SGIP1: variants seen among roughly 807,000 people sequenced by gnomAD.
SGIP1 encodes SH3-containing GRB2-like protein 3-interacting protein 1.
Under a neutral mutation model 107.5 loss-of-function variants are expected in SGIP1, and 38 were observed. The ratio of observed to expected loss-of-function variants is 0.35; its 90% CI spans 0.27 to 0.46. SGIP1 has a LOEUF of 0.46. Ranked by LOEUF, SGIP1 falls within the 20% of genes least tolerant of loss-of-function variation. SGIP1 has a pLI of 1.00. For synonymous variants in SGIP1, 365 were observed against 366.1 expected (o/e 1.00, Z 0.03); for missense variants, 929 against 1,019.5 (o/e 0.91, Z 1.21).
At position 66,720,521 on chromosome 1, in the gene SGIP1, G is replaced by C. The variant is rs900130685; in HGVS notation, c.1742+1116G>C. 3.3e-5 allele frequency among the ~76,000 whole-genome samples: 5 copies of C among 152,168 alleles called. No individual in the cohort carries two copies. The East Asian group carries it at 9.6e-4, about 29-fold the overall frequency. ...GACAGGAGGATTGCTGAGGCCAGGA[G>C]ATCGAGACCACCCCTGGCAACATAG... On this transcript the variant is annotated intron_variant, in intron 19 of 24. Transcript: ENST00000371037.
intron 1 of SGIP1, among the ~76,000 whole-genome samples, chr1:66,619,787 T>C (rs189225749): frequency 1.3e-5 from 2 of 152,262 alleles, no homozygotes; most frequent in Admixed American, 1.3e-4. Flanking sequence ...CACCTCAGTG[T>C]CTTCTGTTTG....
At chr1:66,617,972 C>T (rs1002650448) in intron 1 of SGIP1, among the ~76,000 whole-genome samples, 1 of 152,166 alleles carries the variant, frequency 6.6e-6, no homozygotes, top group Non-Finnish European at 1.5e-5. Flanking sequence ...ATGTGATCTG[C>T]TATTTATCAC....
intron 1 of SGIP1, among the ~76,000 whole-genome samples, chr1:66,564,179 C>T (rs1338188): frequency 0.21 from 31,504 of 151,834 alleles, 3,947 homozygotes; most frequent in African/African-American, 0.35. Context: ...AATTTGGAAA[C>T]GACTAAACTA....
intron 7 of SGIP1, among the ~76,000 whole-genome samples, chr1:66,659,352 G>T (rs1002499472): frequency 2.6e-5 from 4 of 152,142 alleles, no homozygotes; most frequent in African/African-American, 9.7e-5. Context: ...ACAGGGAGAA[G>T]AATTCATAAT....
At chr1:66,634,862 T>C (rs1436110885) in intron 3 of SGIP1, among the ~76,000 whole-genome samples, 1 of 152,206 alleles carries the variant, frequency 6.6e-6, no homozygotes, top group Non-Finnish European at 1.5e-5. Context: ...GGTCACTGAA[T>C]TTTGGAAACC....
chr1:66,559,437 C>T (rs891279631), intron 1 of SGIP1, among the ~76,000 whole-genome samples: 20 of 152,052 alleles, frequency 1.3e-4, no homozygotes, highest in Admixed American at 1.1e-3. Context: ...TGCATGAATG[C>T]TATGACTTAG....
At chr1:66,717,550 G>T (rs2093315050) in intron 18 of SGIP1, among the ~76,000 whole-genome samples, 1 of 152,138 alleles carries the variant, frequency 6.6e-6, no homozygotes. Flanking sequence ...CGTGGGCAGA[G>T]AAGACTTAGC....
intron 1 of SGIP1, among the ~76,000 whole-genome samples, chr1:66,603,569 A>G (rs2066266060): frequency 2.0e-5 from 3 of 152,156 alleles, no homozygotes; most frequent in Admixed American, 2.0e-4. Context: ...GATCACACAG[A>G]CCACACACTG....
chr1:66,722,066 T>C (rs1454641125), intron 19 of SGIP1, among the ~76,000 whole-genome samples: 1 of 152,222 alleles, frequency 6.6e-6, no homozygotes, highest in Admixed American at 6.5e-5. Context: ...ACTCCTTTCC[T>C]TATCCCTGAC....
chr1:66,638,295 T>TG (rs2076168822), intron 4 of SGIP1, among the ~76,000 whole-genome samples: 1 of 152,182 alleles, frequency 6.6e-6, no homozygotes, highest in Non-Finnish European at 1.5e-5. Context: ...CATTATGTAA[T>TG]GGACCAGTTC....
intron 1 of SGIP1, among the ~76,000 whole-genome samples, chr1:66,577,689 C>T (rs1314360203): frequency 6.6e-6 from 1 of 151,596 alleles, no homozygotes; most frequent in Non-Finnish European, 1.5e-5. Flanking sequence ...ATAGGAAGTG[C>T]TCAAATGGTT....
chr1:66,642,331 C>T lies in SGIP1; in HGVS notation c.229-479C>T, dbSNP rs140678193. ...CCACCTAGAAGGAGCTCCTACTCTG[C>T]CCTCTCCTGTCTGTCCTGAAAGACC... On this transcript the variant is annotated intron_variant, in intron 5 of 24. Coordinates refer to ENST00000371037, the MANE Select transcript of SGIP1 (RefSeq NM_032291.4). Among the ~76,000 whole-genome samples the T allele has an allele frequency of 3.7e-3, 564 of 152,212 alleles. 4 individuals carry two copies. The highest frequency in any genetic ancestry group is 0.013 in the African/African-American group (522 of 41,544).
intron 12 of SGIP1, 144 bp from the exon 13 acceptor site, chr1:66,676,860 G>A: frequency 1.6e-6 from 1 of 634,496 alleles, no homozygotes; most frequent in East Asian, 2.7e-5. Context: ...AGAATAAGGA[G>A]CAGCACATTC....
At chr1:66,616,942 C>A (rs2149226726) in intron 1 of SGIP1, among the ~76,000 whole-genome samples, 1 of 152,206 alleles carries the variant, frequency 6.6e-6, no homozygotes, top group East Asian at 1.9e-4. Context: ...GACCCTTTTG[C>A]AATCTATTGC....
chr1:66,690,281 C>A lies in SGIP1; in HGVS notation c.1535C>A (p.Thr512Asn), dbSNP rs1351390442. 6.2e-7 allele frequency: 1 copy of A among 1,614,184 alleles called. No homozygotes were observed. The highest frequency in any genetic ancestry group is 1.1e-5 in the South Asian group (1 of 91,080). ...RAESTSSISSTNSLSAATTPT... is the reference protein window; with the variant it reads ...RAESTSSISSNNSLSAATTPT... ...GAAAGCACTTCTTCAATATCGTCAA[C>A]CAATTCCTTGAGCGCAGCCACCACT... Residue 512 changes from threonine to asparagine, a missense_variant, in exon 17 of 25, where the codon ACC (threonine) becomes AAC (asparagine). This residue lies in a region of SGIP1 where 341 missense variants were observed against 430.9 expected (regional missense o/e 0.79). Transcript: ENST00000371037.
At chr1:66,710,753 A>T (rs1326934474) in intron 18 of SGIP1, among the ~76,000 whole-genome samples, 1 of 152,172 alleles carries the variant, frequency 6.6e-6, no homozygotes, top group African/African-American at 2.4e-5. Flanking sequence ...AGTCAGTGAA[A>T]CTGATGATGT....
chr1:66,645,839 G>C (rs2077557489), intron 7 of SGIP1, among the ~76,000 whole-genome samples: 1 of 152,050 alleles, frequency 6.6e-6, no homozygotes, highest in African/African-American at 2.4e-5. Flanking sequence ...GATATAGATA[G>C]TTTTGTTGTT....
chr1:66,708,505 T>C (rs887047754), intron 18 of SGIP1, among the ~76,000 whole-genome samples: 1 of 152,192 alleles, frequency 6.6e-6, no homozygotes, highest in African/African-American at 2.4e-5. Flanking sequence ...TTTTCTTTCA[T>C]TTGTATTATG....
intron 17 of SGIP1, chr1:66,694,774 G>T: frequency 2.8e-6 from 1 of 359,314 alleles, no homozygotes; most frequent in Non-Finnish European, 4.9e-6. Context: ...AATTTACAAA[G>T]GAAAGAATAA....
Sources: gnomAD v4.1 joint callset for allele counts (sites outside exome capture counted in the v4.1 genomes callset) on GRCh38, gnomAD v4.1.1 for gene constraint, gnomAD v4.1.1 regional missense constraint, MANE v1.5 for transcripts, NCBI Gene and HGNC (gene_info 2026-07-23, HGNC 2026-07-21) for gene names.